Variants in ABCC11 observed in about 807,000 individuals in gnomAD.
The protein encoded by ABCC11 is ATP-binding cassette sub-family C member 11.
A neutral mutation model predicts 149.3 loss-of-function variants in ABCC11; 135 were observed. That is an observed-to-expected ratio of 0.90 (90% CI 0.79 to 1.04). ABCC11 has a LOEUF of 1.04. Among genes scored for constraint, ABCC11 ranks in the 50% least tolerant of loss-of-function variants. ABCC11 has a pLI of 0.00. For synonymous variants in ABCC11, 665 were observed against 671.4 expected, an observed-to-expected ratio of 0.99 and a Z score of 0.15; for missense variants, 1,680 against 1,722.1, an observed-to-expected ratio of 0.98 and a Z score of 0.43.
At position 48,215,229 on chromosome 16, in the gene ABCC11, G is replaced by A; in HGVS notation, c.1067C>T (p.Thr356Ile). ...GATTTTTGCAAATGGTTTCTCCCAT[G>A]TGTACATTTTAATCAGCTTAATGCA... ...LTCIKLIKMY[T>I]WEKPFAKIIE... The change falls in exon 8 of 30, where the codon ACA becomes ATA. Residue 356 changes from threonine (T) to isoleucine (I), a missense_variant. Transcript: ENST00000356608. 1 of 1,613,456 alleles carries A rather than the reference G, an allele frequency of 6.2e-7. No homozygotes were observed. Among genetic ancestry groups the A allele is most frequent in the South Asian group, 1.1e-5 (1 of 91,062 alleles).
At chr16:48,238,499 C>T (rs1026114412) in intron 1 of ABCC11, among the ~76,000 whole-genome samples, 3 of 152,096 alleles carry the variant, frequency 2.0e-5, no homozygotes, top group Admixed American at 2.0e-4. Flanking sequence ...ATTCTGAAAG[C>T]ACTGCTGGAC....
At chr16:48,176,874 C>A in intron 25 of ABCC11, 50 bp downstream of exon 25, 1 of 1,584,710 alleles carries the variant, frequency 6.3e-7, no homozygotes, top group South Asian at 1.2e-5. Context: ...GTCTAGTGCC[C>A]AAAGGGCAAA....
chr16:48,204,280 A>G (rs968875820), intron 13 of ABCC11, among the ~76,000 whole-genome samples: 2 of 152,188 alleles, frequency 1.3e-5, no homozygotes, highest in Non-Finnish European at 2.9e-5. Context: ...GAGAGCTGGG[A>G]CTTAGGATGA....
At chr16:48,245,389 A>G (rs1306863354) in intron 1 of ABCC11, among the ~76,000 whole-genome samples, 2 of 152,142 alleles carry the variant, frequency 1.3e-5, no homozygotes, top group Non-Finnish European at 2.9e-5. Flanking sequence ...TTATTCTGCA[A>G]TTTGGAAACT....
chr16:48,209,621 G>T, intron 11 of ABCC11: 1 of 154,646 alleles, frequency 6.5e-6, no homozygotes, highest in South Asian at 2.0e-4. Context: ...ACAGGCTGTG[G>T]ACCAGTGCAG....
At chr16:48,203,697 G>A (rs376419992) in intron 13 of ABCC11, among the ~76,000 whole-genome samples, 5 of 152,190 alleles carry the variant, frequency 3.3e-5, no homozygotes, top group South Asian at 2.1e-4. Context: ...ACAAAACCCC[G>A]TCTCTACTAA....
chr16:48,192,368 T>A, intron 20 of ABCC11, 152 bp downstream of exon 20: 2 of 824,760 alleles, frequency 2.4e-6, no homozygotes, highest in Non-Finnish European at 3.7e-6. Flanking sequence ...CACTTCAGCC[T>A]GGAAGGTGGA....
intron 4 of ABCC11, among the ~76,000 whole-genome samples, chr16:48,224,859 GC>G (rs1969968818): frequency 6.6e-6 from 1 of 151,978 alleles, no homozygotes; most frequent in Non-Finnish European, 1.5e-5. Flanking sequence ...CCCCATCTCT[GC>G]TAAAAATACG....
rs1027696969 is a variant in ABCC11 at position 48,166,601 on chromosome 16, G to A, written c.*673C>T. ...CGTAAAAAGCAGAATGAAGATGGCT[G>A]GGTGCAGTGGTTCATGCCCATAACC... is the stretch of plus-strand genomic sequence containing the variant. On this transcript the variant is annotated 3_prime_UTR_variant, in exon 30 of 30. Coordinates refer to ENST00000356608, the MANE Select transcript of ABCC11 (RefSeq NM_001370497.1). 1.3e-5 allele frequency among the ~76,000 whole-genome samples: 2 copies of A among 152,170 alleles called. No homozygotes were observed. Among genetic ancestry groups the A allele is most frequent in the African/African-American group, 4.8e-5 (2 of 41,428 alleles).
Position 48,230,421 on chromosome 16 carries a change from C to T in ABCC11, c.236+16G>A, listed in dbSNP as rs201785567. 10 of 1,582,290 alleles carry T rather than the reference C, an allele frequency of 6.3e-6. No individual in the cohort carries two copies. ...GGTGGATACAGCTCTCTCCCACCACCCCCATCAGGACTCACCTCGGCTTGG... is the reference window on the plus strand; with the variant it reads ...GGTGGATACAGCTCTCTCCCACCACTCCCATCAGGACTCACCTCGGCTTGG... On this transcript the variant is annotated intron_variant, in intron 3 of 29. Coordinates refer to ENST00000356608, the MANE Select transcript of ABCC11 (RefSeq NM_001370497.1).
At chr16:48,188,359 T>G (rs1361472236) in intron 20 of ABCC11, among the ~76,000 whole-genome samples, 1 of 152,194 alleles carries the variant, frequency 6.6e-6, no homozygotes, top group Non-Finnish European at 1.5e-5. Context: ...TCACCCCCAG[T>G]AGGGCATTCT....
At chr16:48,169,931 A>G (rs1290489683) in intron 28 of ABCC11, among the ~76,000 whole-genome samples, 174 bp downstream of exon 28, 1 of 151,940 alleles carries the variant, frequency 6.6e-6, no homozygotes, top group African/African-American at 2.4e-5. Flanking sequence ...AAAAAAGGAA[A>G]TGAATAAGCC....
intron 10 of ABCC11, 121 bp downstream of exon 10, chr16:48,213,322 A>T: frequency 5.1e-6 from 4 of 778,556 alleles, no homozygotes; most frequent in Non-Finnish European, 8.2e-6. Flanking sequence ...TCACTGAGTT[A>T]GCTAATCCCT....
chr16:48,183,834 C>G (rs1227717971), intron 23 of ABCC11, among the ~76,000 whole-genome samples: 3 of 152,162 alleles, frequency 2.0e-5, no homozygotes, highest in Non-Finnish European at 4.4e-5. Context: ...TGGCTGTGGC[C>G]CTTGACTATG....
At chr16:48,232,032 C>A (rs1455266580) in intron 1 of ABCC11, 93 bp from the exon 2 acceptor site, 4 of 1,562,390 alleles carry the variant, frequency 2.6e-6, no homozygotes, top group South Asian at 1.2e-5. Flanking sequence ...GGGGCACTAC[C>A]CTGCAGGGAG....
In ABCC11 at chr16:48,187,012, A is replaced by ATT; in HGVS notation, c.3010_3011dup (p.Asn1004LysfsTer7). 1 of 1,614,156 alleles carries ATT rather than the reference A, an allele frequency of 6.2e-7. No homozygotes were observed. The highest frequency in any genetic ancestry group is 8.5e-7 in the Non-Finnish European group (1 of 1,180,020). On this transcript the variant is annotated frameshift_variant, in exon 22 of 30. Transcript: ENST00000356608. LOFTEE classifies it high-confidence loss of function. ...GGATGGAGCTCAGGCCTTGCAGAGA[A>ATT]TTGAGGATGTGGGAGAATAAAGGAG...
At chr16:48,186,047 C>T (rs1414373169) in intron 22 of ABCC11, among the ~76,000 whole-genome samples, 1 of 152,156 alleles carries the variant, frequency 6.6e-6, no homozygotes, top group Admixed American at 6.5e-5. Flanking sequence ...TAGTATATAC[C>T]TTGGGGCAGG....
At chr16:48,200,134 GC>G in intron 15 of ABCC11, 141 bp downstream of exon 15, 5 of 804,664 alleles carry the variant, frequency 6.2e-6, no homozygotes, top group Non-Finnish European at 7.5e-6. Context: ...GTTTTTTACA[GC>G]CCTCCCCAAA....
At chr16:48,193,563 T>A (rs1192344024) in intron 19 of ABCC11, among the ~76,000 whole-genome samples, 1 of 152,170 alleles carries the variant, frequency 6.6e-6, no homozygotes, top group African/African-American at 2.4e-5. Flanking sequence ...AACCATAGTA[T>A]GGAGGCCAGC....
Sources: gnomAD v4.1 joint callset for allele counts (sites outside exome capture counted in the v4.1 genomes callset) on GRCh38, gnomAD v4.1.1 for gene constraint, MANE v1.5 for transcripts, NCBI Gene and HGNC (gene_info 2026-07-23, HGNC 2026-07-21) for gene names.